The following ETHE1 variants were observed in gnomAD, a reference collection of about 807,000 sequenced individuals.
The protein encoded by ETHE1 is persulfide dioxygenase ETHE1, mitochondrial.
In ETHE1, 16 loss-of-function variants were observed where a neutral mutation model predicts 25.7. The observed-to-expected ratio is 0.62, with a 90% confidence interval of 0.42 to 0.95. The LOEUF (loss-of-function observed/expected upper bound fraction) is 0.95, where lower values mean the gene tolerates loss of function less well. Ranked by LOEUF, ETHE1 falls within the 40% of genes least tolerant of loss-of-function variation. The probability of loss-of-function intolerance (pLI) is 0.00; values close to 1 mark genes in which losing one functional copy is unlikely to be tolerated. For missense variants in ETHE1, 300 were observed against 333.6 expected (o/e 0.90, Z 0.79); for synonymous variants, 139 against 135.9 (o/e 1.02, Z -0.16).
intron 3 of ETHE1, among the ~76,000 whole-genome samples, chr19:43,518,542 C>T (rs1308848177): frequency 1.3e-5 from 2 of 151,252 alleles, no homozygotes; most frequent in Non-Finnish European, 2.9e-5. Flanking sequence ...GTCAGGAGAT[C>T]GAGACCATCC....
chr19:43,520,255 G>A (rs982038279), intron 3 of ETHE1, among the ~76,000 whole-genome samples: 5 of 152,208 alleles, frequency 3.3e-5, no homozygotes, highest in Admixed American at 6.5e-5. Context: ...ACTGCTACTC[G>A]GGAGGCTGAG....
chr19:43,517,560 T>C (rs963911092), intron 3 of ETHE1, among the ~76,000 whole-genome samples: 14 of 151,076 alleles, frequency 9.3e-5, no homozygotes, highest in African/African-American at 3.4e-4. Flanking sequence ...GTGGATGACC[T>C]GAGGTCAGGA....
intron 6 of ETHE1, among the ~76,000 whole-genome samples, chr19:43,507,368 C>T (rs1307677126): frequency 1.1e-5 from 1 of 92,866 alleles, no homozygotes; most frequent in Non-Finnish European, 2.2e-5. Flanking sequence ...CCTCCTCCCT[C>T]AGACCCAGGA....
At chr19:43,518,920 G>A (rs1972079795) in intron 3 of ETHE1, among the ~76,000 whole-genome samples, 1 of 151,332 alleles carries the variant, frequency 6.6e-6, no homozygotes, top group African/African-American at 2.4e-5. Flanking sequence ...AAAAACATTT[G>A]GGGGAGAGGG....
At position 43,511,555 on chromosome 19, in the gene ETHE1, G is replaced by C. The variant is rs528898300; in HGVS notation, c.387C>G (p.Thr129=). 18 of 1,613,594 alleles carry C rather than the reference G, an allele frequency of 1.1e-5. No individual in the cohort carries two copies. In the Admixed American group the frequency reaches 2.3e-4, roughly 21 times the overall value. ...CTGGGGTGTGGCCAGGGCTGGCCCTGGTCTCCAACGCCTGGCAGGGGTGGA... is the reference window on the plus strand; with the variant it reads ...CTGGGGTGTGGCCAGGGCTGGCCCTCGTCTCCAACGCCTGGCAGGGGTGGA... ...SIRFGRFALE[T]RASPGHTPGC... Residue 129 remains threonine (T), a synonymous_variant, in exon 4 of 7, where the codon ACC becomes ACG. Coordinates refer to ENST00000292147, the MANE Select transcript of ETHE1 (RefSeq NM_014297.5).
chr19:43,515,375 C>T (rs890074135), intron 3 of ETHE1, among the ~76,000 whole-genome samples: 5 of 149,130 alleles, frequency 3.4e-5, no homozygotes, highest in African/African-American at 7.4e-5. Context: ...CAAGATTGCA[C>T]CATCACACTC....
chr19:43,524,884 C>T (rs1245906031), intron 3 of ETHE1, among the ~76,000 whole-genome samples: 1 of 151,958 alleles, frequency 6.6e-6, no homozygotes, highest in Admixed American at 6.6e-5. Flanking sequence ...TTTCAGAAGC[C>T]CTGTAATCCT....
intron 4 of ETHE1, among the ~76,000 whole-genome samples, chr19:43,509,841 T>C (rs986043223): frequency 6.6e-6 from 1 of 152,034 alleles, no homozygotes; most frequent in African/African-American, 2.4e-5. Flanking sequence ...CATGAGGACA[T>C]GAGGCCCAGG....
chr19:43,517,621 A>G (rs7252962), intron 3 of ETHE1, among the ~76,000 whole-genome samples: 26,336 of 151,508 alleles, frequency 0.17, 2,370 homozygotes, highest in Non-Finnish European at 0.19. Context: ...CACAAAACAT[A>G]CAAATATTAG....
At position 43,517,778 on chromosome 19, in the gene ETHE1, A is replaced by G. The variant is rs190657533; in HGVS notation, c.376-6212T>C. Among the ~76,000 whole-genome samples the G allele has an allele frequency of 2.1e-3, 325 of 151,166 alleles. 1 individual carries two copies. The highest frequency in any genetic ancestry group is 5.6e-3 in the African/African-American group (231 of 41,342). ...GTGACAGAGTGAGACTCCGCCTCAA[A>G]AAAAAAAAAAAAATTAGCCAAGCAT... On this transcript the variant is annotated intron_variant, in intron 3 of 6. Transcript: ENST00000292147.
chr19:43,508,881 C>A lies in ETHE1; in HGVS notation c.506-17G>T. 1 of 1,588,580 alleles carries A rather than the reference C, an allele frequency of 6.3e-7. No individual in the cohort carries two copies. Among genetic ancestry groups the A allele is most frequent in the Non-Finnish European group, 8.6e-7 (1 of 1,164,604 alleles). On this transcript the variant is annotated splice_polypyrimidine_tract_variant and intron_variant, in intron 4 of 6. Transcript: ENST00000292147. ...TGGCACAGCCTGGGGAAGGAAAGAT[C>A]AGAGGTCAGTGGATCAACAGGACAG...
intron 3 of ETHE1, among the ~76,000 whole-genome samples, chr19:43,520,653 T>C (rs527574201): frequency 3.9e-5 from 6 of 151,968 alleles, no homozygotes; most frequent in African/African-American, 1.4e-4. Context: ...TGAGCTATGA[T>C]TGCACCACTG....
At chr19:43,511,410 C>G in intron 4 of ETHE1, 27 bp downstream of exon 4, 2 of 1,614,098 alleles carry the variant, frequency 1.2e-6, no homozygotes, top group Non-Finnish European at 1.7e-6. Flanking sequence ...ATATGAAGAT[C>G]TTGGGCTGGA....
chr19:43,514,176 C>A (rs529929711), intron 3 of ETHE1, among the ~76,000 whole-genome samples: 1 of 152,186 alleles, frequency 6.6e-6, no homozygotes, highest in Admixed American at 6.5e-5. Context: ...TGTGTCCCCA[C>A]CCAAATCTCA....
intron 3 of ETHE1, chr19:43,525,983 G>A (rs1972235197): frequency 1.6e-6 from 1 of 629,628 alleles, no homozygotes; most frequent in Non-Finnish European, 2.8e-6. Flanking sequence ...TGACTTAGGA[G>A]TTCCGCCAGT....
chr19:43,524,262 G>A (rs952948353), intron 3 of ETHE1, among the ~76,000 whole-genome samples: 8 of 152,054 alleles, frequency 5.3e-5, no homozygotes, highest in African/African-American at 1.9e-4. Context: ...GCGCACGCCT[G>A]TAATCCCTGC....
chr19:43,519,689 C>T (rs1308495766), intron 3 of ETHE1, among the ~76,000 whole-genome samples: 4 of 152,110 alleles, frequency 2.6e-5, no homozygotes, highest in Non-Finnish European at 5.9e-5. Flanking sequence ...GGCAAGTAAG[C>T]TCTCAGCTTC....
chr19:43,526,675 C>G lies in ETHE1; in HGVS notation c.82-16G>C, dbSNP rs531028570. ...GCTCGAACATCTGGGAACGGGGGACCCAGGTGAGGGCGCAGAACCGGACTT... is the reference window on the plus strand; with the variant it reads ...GCTCGAACATCTGGGAACGGGGGACGCAGGTGAGGGCGCAGAACCGGACTT... On this transcript the variant is annotated splice_polypyrimidine_tract_variant and intron_variant, in intron 1 of 6. Coordinates refer to ENST00000292147, the MANE Select transcript of ETHE1 (RefSeq NM_014297.5). 6.2e-6 allele frequency: 10 copies of G among 1,612,642 alleles called. No homozygotes were observed. The African/African-American group carries it at 1.2e-4, about 19-fold the overall frequency.
intron 3 of ETHE1, chr19:43,525,519 G>A (rs1972223237): frequency 6.5e-6 from 1 of 152,804 alleles, no homozygotes; most frequent in Non-Finnish European, 1.5e-5. Flanking sequence ...CTCTCTGAGG[G>A]CAACTCCCCT....
Sources: gnomAD v4.1 joint callset for allele counts (sites outside exome capture counted in the v4.1 genomes callset) on GRCh38, gnomAD v4.1.1 for gene constraint, MANE v1.5 for transcripts, NCBI Gene and HGNC (gene_info 2026-07-23, HGNC 2026-07-21) for gene names.